IFT74: variants seen among roughly 807,000 people sequenced by gnomAD.
The protein encoded by IFT74 is intraflagellar transport 74.
In IFT74, 92 loss-of-function variants were observed where a neutral mutation model predicts 96.7. The ratio of observed to expected loss-of-function variants is 0.95; its 90% CI spans 0.80 to 1.13. The LOEUF (loss-of-function observed/expected upper bound fraction) is 1.13. IFT74 is among the 50% of genes most tolerant of loss of function. The probability of loss-of-function intolerance (pLI) is 0.00; values close to 1 mark genes in which losing one functional copy is unlikely to be tolerated. For missense variants in IFT74, 811 were observed against 698.2 expected (o/e 1.16, Z -1.82); for synonymous variants, 223 against 213.2 (o/e 1.05, Z -0.40).
At position 27,064,757 on chromosome 9, in the gene IFT74, G is replaced by A. The variant is rs56737191; in HGVS notation, c.*2021G>A. Among the ~76,000 whole-genome samples, 2,905 of 151,744 alleles carry A rather than the reference G, an allele frequency of 0.019. 97 individuals carry two copies. Among genetic ancestry groups the A allele is most frequent in the African/African-American group, 0.065 (2,708 of 41,412 alleles). On this transcript the variant is annotated 3_prime_UTR_variant, in exon 20 of 20. Transcript: ENST00000380062. ...ACTTTTTCCTTAGGTTTTTTTTTAT[G>A]ATTTCTACTTAAGTGTTCTTGACAT...
In IFT74 at chr9:27,062,804, C is replaced by CAA. The variant is rs774904497; in HGVS notation, c.*80_*81dup. 240 of 622,988 alleles carry CAA rather than the reference C, an allele frequency of 3.9e-4. No individual in the cohort carries two copies. The highest frequency in any genetic ancestry group is 9.6e-4 in the South Asian group (43 of 44,918). 38.6% of individuals were successfully genotyped at this position (622,988 alleles called of 1,614,324 possible). A position where few individuals can be genotyped will look rare whatever the true frequency, so the allele number is the denominator to read the frequency against. On this transcript the variant is annotated 3_prime_UTR_variant, in exon 20 of 20. Transcript: ENST00000380062. ...GCTAAACTTGGTACAAGTTGACTAC[C>CAA]AAAAAAAAAAAAAGCTTACTTTTGG...
intron 18 of IFT74, among the ~76,000 whole-genome samples, chr9:27,057,815 G>T (rs537202099): frequency 6.6e-6 from 1 of 151,768 alleles, no homozygotes; most frequent in African/African-American, 2.4e-5. Context: ...CTGAGATCGC[G>T]CCACTGCACT....
intron 8 of IFT74, chr9:26,995,862 A>AAAAGTTGGAAAAGCCCAACTTTTT: frequency 3.2e-6 from 5 of 1,571,572 alleles, no homozygotes; most frequent in Non-Finnish European, 4.3e-6. Flanking sequence ...TTAATGGAAT[A>AAAAGTTGGAAAAGCCCAACTTTTT]CCAAGAGAGG....
chr9:26,947,319 A>T, intron 1 of IFT74: 1 of 455,316 alleles, frequency 2.2e-6, no homozygotes, highest in East Asian at 3.9e-5. Context: ...GCCGACGCCG[A>T]TGCGGAGCTG....
rs376574300 is a variant in IFT74, at chr9:27,030,416, C to T, written c.1054+1312C>T. Among the ~76,000 whole-genome samples the T allele has an allele frequency of 7.9e-5, 12 of 151,722 alleles. No homozygotes were observed. In the East Asian group the frequency reaches 1.2e-3, roughly 15 times the overall value. The stretch of plus-strand genomic sequence containing the variant: ...CTAAGTTTTAAATTTTTAGTAGTGG[C>T]GCATGCCTGTAATCTCAGCTACTTG... On this transcript the variant is annotated intron_variant, in intron 13 of 19. Coordinates refer to ENST00000380062, the MANE Select transcript of IFT74 (RefSeq NM_025103.4).
chr9:27,059,145 A>G (rs1820300195), intron 18 of IFT74, among the ~76,000 whole-genome samples: 2 of 151,956 alleles, frequency 1.3e-5, no homozygotes, highest in African/African-American at 2.4e-5. Flanking sequence ...AACTCCATGT[A>G]TTGATAACTG....
intron 8 of IFT74, among the ~76,000 whole-genome samples, chr9:26,999,866 G>GGCT (rs1828384413): frequency 1.4e-5 from 2 of 144,014 alleles, no homozygotes; most frequent in African/African-American, 5.2e-5. Context: ...TGATCTCCCA[G>GGCT]GCTTAAGCAG....
At chr9:27,039,005 A>G (rs561393777) in intron 13 of IFT74, among the ~76,000 whole-genome samples, 2 of 152,222 alleles carry the variant, frequency 1.3e-5, no homozygotes, top group South Asian at 2.1e-4. Flanking sequence ...TTCTTCCAGC[A>G]TAAATGATCT....
chr9:27,056,902 AGAT>A (rs1473059341), intron 18 of IFT74, among the ~76,000 whole-genome samples: 3 of 150,844 alleles, frequency 2.0e-5, no homozygotes, highest in East Asian at 3.9e-4. Flanking sequence ...ATAGATAGAT[AGAT>A]ATGTGTATAC....
intron 8 of IFT74, among the ~76,000 whole-genome samples, chr9:26,990,789 T>A (rs1234934796): frequency 6.6e-6 from 1 of 152,306 alleles, no homozygotes; most frequent in South Asian, 2.1e-4. Flanking sequence ...TTGGGATGGG[T>A]CCATATTCTA....
In IFT74 at chr9:27,065,056, T is replaced by C. The variant is rs886981724; in HGVS notation, c.*2320T>C. Among the ~76,000 whole-genome samples, 1 of 152,146 alleles carries C rather than the reference T, an allele frequency of 6.6e-6. No individual in the cohort carries two copies. Among genetic ancestry groups the C allele is most frequent in the Non-Finnish European group, 1.5e-5 (1 of 67,990 alleles). On this transcript the variant is annotated 3_prime_UTR_variant, in exon 20 of 20. Coordinates refer to ENST00000380062, the MANE Select transcript of IFT74 (RefSeq NM_025103.4). Reference sequence around the variant, plus strand: ...AACCAATCTTTACGCAGAAAGAAAGTAGGAGGAAGATTGGCCTGTCCATTA... The same window carrying C: ...AACCAATCTTTACGCAGAAAGAAAGCAGGAGGAAGATTGGCCTGTCCATTA...
At position 26,964,040 on chromosome 9, in the gene IFT74, T is replaced by C. The variant is rs1286961070; in HGVS notation, c.120+1953T>C. Among the ~76,000 whole-genome samples, 57 of 149,342 alleles carry C rather than the reference T, an allele frequency of 3.8e-4. 1 individual carries two copies. Among genetic ancestry groups the C allele is most frequent in the Non-Finnish European group, 1.2e-4 (8 of 67,462 alleles). On this transcript the variant is annotated intron_variant, in intron 2 of 19. Coordinates refer to ENST00000380062, the MANE Select transcript of IFT74 (RefSeq NM_025103.4). The stretch of plus-strand genomic sequence containing the variant: ...GTTTTAGACATGAAGTCCTTGCCCA[T>C]GCCTATGTCCTGAATGGTAATGCCT...
At chr9:26,992,246 C>T (rs1441765597) in intron 8 of IFT74, among the ~76,000 whole-genome samples, 1 of 152,032 alleles carries the variant, frequency 6.6e-6, no homozygotes, top group East Asian at 1.9e-4. Context: ...TAGATTTTTA[C>T]ATCTATTTGG....
chr9:26,970,819 A>G lies in IFT74; in HGVS notation c.121-7309A>G, dbSNP rs117754958. Among the ~76,000 whole-genome samples, 1,004 of 152,298 alleles carry G rather than the reference A, an allele frequency of 6.6e-3. 9 individuals carry two copies. The highest frequency in any genetic ancestry group is 0.014 in the Admixed American group (213 of 15,286). On this transcript the variant is annotated intron_variant, in intron 2 of 19. Transcript: ENST00000380062. ...GTAATTCATTAGGGGATAAACTGAC[A>G]TCTTTTCAAGGGGTGGTTGTGATTC...
intron 2 of IFT74, among the ~76,000 whole-genome samples, chr9:26,973,487 T>C (rs913132538): frequency 2.6e-5 from 4 of 152,188 alleles, no homozygotes; most frequent in Non-Finnish European, 5.9e-5. Context: ...TTTTCTCGAT[T>C]CCCTTCTCTT....
intron 2 of IFT74, among the ~76,000 whole-genome samples, chr9:26,974,876 C>T (rs914709827): frequency 7.9e-5 from 12 of 152,178 alleles, no homozygotes; most frequent in African/African-American, 2.9e-4. Context: ...GGAATATTTA[C>T]AAAGCCAATG....
chr9:27,016,913 G>T lies in IFT74; in HGVS notation c.796G>T (p.Ala266Ser), dbSNP rs1219090210. The change falls in exon 11 of 20, where the codon GCT becomes TCT. Residue 266 changes from alanine (A) to serine (S), a missense_variant. Physicochemically the swap from Ala to Ser is moderately conservative, Grantham distance 99. Coordinates refer to ENST00000380062, the MANE Select transcript of IFT74 (RefSeq NM_025103.4). The part of the protein sequence containing the change: ...MKKESLEAEI[A>S]HSQVKQEAVL... ...CCTTCTTATTTTCCTTTAGGAAATAGCTCACTCCCAGGTGAAACAGGAGGC... is the reference window on the plus strand; with the variant it reads ...CCTTCTTATTTTCCTTTAGGAAATATCTCACTCCCAGGTGAAACAGGAGGC... 6.3e-7 allele frequency: 1 copy of T among 1,596,370 alleles called. No individual in the cohort carries two copies. The highest frequency in any genetic ancestry group is 8.5e-7 in the Non-Finnish European group (1 of 1,173,700).
chr9:27,005,990 C>T (rs1398709877), intron 8 of IFT74, among the ~76,000 whole-genome samples: 6 of 151,908 alleles, frequency 3.9e-5, no homozygotes, highest in African/African-American at 7.3e-5. Context: ...ATTACAGGCT[C>T]CCGGCACTGC....
intron 12 of IFT74, among the ~76,000 whole-genome samples, chr9:27,023,560 AT>A (rs199832692): frequency 2.6e-5 from 4 of 151,220 alleles, no homozygotes; most frequent in East Asian, 1.9e-4. Flanking sequence ...TGGTTGGCTA[AT>A]TTTTTTTTGA....
Sources: gnomAD v4.1 joint callset for allele counts (sites outside exome capture counted in the v4.1 genomes callset) on GRCh38, gnomAD v4.1.1 for gene constraint, MANE v1.5 for transcripts, NCBI Gene and HGNC (gene_info 2026-07-23, HGNC 2026-07-21) for gene names.